Variants in TRPC5 observed in about 807,000 individuals in gnomAD.
TRPC5 encodes short transient receptor potential channel 5.
TRPC5 carries 9 observed loss-of-function variants against 56.5 expected under a neutral mutation model. The ratio of observed to expected loss-of-function variants is 0.16; its 90% CI spans 0.10 to 0.28. The LOEUF (loss-of-function observed/expected upper bound fraction) is 0.28. TRPC5 is among the 10% of genes least tolerant of loss of function. TRPC5 has a pLI of 1.00. For synonymous variants in TRPC5, 282 were observed against 278.5 expected, an observed-to-expected ratio of 1.01 and a Z score of -0.13; for missense variants, 469 against 748.9, an observed-to-expected ratio of 0.63 and a Z score of 4.36.
intron 7 of TRPC5, among the ~76,000 whole-genome samples, chrX:111,801,484 G>C (rs906091254): frequency 8.9e-6 from 1 of 111,733 alleles, no homozygotes; most frequent in Non-Finnish European, 1.9e-5. Flanking sequence ...TCCCAAAGTG[G>C]CTATACAGTT....
intron 1 of TRPC5, among the ~76,000 whole-genome samples, chrX:112,018,195 G>A (rs1422800780): frequency 8.9e-6 from 1 of 112,399 alleles, no homozygotes; most frequent in African/African-American, 3.2e-5. Flanking sequence ...GCACTAGACT[G>A]TCAGCTCCAT....
chrX:111,895,055 G>A (rs1428572661), intron 3 of TRPC5, among the ~76,000 whole-genome samples: 1 of 111,943 alleles, frequency 8.9e-6, no homozygotes, highest in African/African-American at 3.2e-5. Context: ...ATACTTAGGA[G>A]TAGCATTCCA....
intron 1 of TRPC5, among the ~76,000 whole-genome samples, chrX:112,009,248 G>T (rs1467610239): frequency 9.0e-6 from 1 of 111,337 alleles, no homozygotes; most frequent in African/African-American, 3.3e-5. Context: ...GAGATTGCGG[G>T]GGCCAAACCG....
chrX:111,785,250 T>G (rs1945952389), intron 7 of TRPC5, among the ~76,000 whole-genome samples: 1 of 111,903 alleles, frequency 8.9e-6, no homozygotes, highest in African/African-American at 3.3e-5. Flanking sequence ...CAGCCTCCAC[T>G]GGGGACACGC....
chrX:112,015,999 CAA>C (rs1286303370), intron 1 of TRPC5, among the ~76,000 whole-genome samples: 4 of 111,544 alleles, frequency 3.6e-5, no homozygotes, highest in Non-Finnish European at 7.5e-5. Flanking sequence ...TCACAGGCAG[CAA>C]GAAATCAGAA....
chrX:111,918,509 C>CT lies in TRPC5; in HGVS notation c.379-5698dup, dbSNP rs748783378. Among the ~76,000 whole-genome samples the CT allele has an allele frequency of 4.6e-4, 49 of 106,359 alleles. 1 individual carries two copies. Among genetic ancestry groups the CT allele is most frequent in the African/African-American group, 1.1e-3 (32 of 29,318 alleles). 92.4% of individuals were successfully genotyped at this position (106,359 alleles called of 115,157 possible). A position where few individuals can be genotyped will look rare whatever the true frequency, so the allele number is the denominator to read the frequency against. ...GGCAGTGATGCACAGAAGAATGTGG[C>CT]TTTTTTTTTTCTCTCTAGCAGCTTT... On this transcript the variant is annotated intron_variant, in intron 2 of 10. Transcript: ENST00000262839.
chrX:111,988,662 G>GT (rs1256771036), intron 1 of TRPC5, among the ~76,000 whole-genome samples: 1 of 110,958 alleles, frequency 9.0e-6, no homozygotes, highest in Non-Finnish European at 1.9e-5. Flanking sequence ...CCTGAATGTA[G>GT]TAAGTATTCA....
intron 2 of TRPC5, among the ~76,000 whole-genome samples, chrX:111,929,354 C>T (rs767302663): frequency 3.8e-4 from 43 of 112,363 alleles, no homozygotes; most frequent in Admixed American, 1.4e-3. Context: ...TCTTTCATAC[C>T]GTGCCAAGGT....
At chrX:111,846,238 T>C (rs1244057470) in intron 6 of TRPC5, among the ~76,000 whole-genome samples, 5 of 111,577 alleles carry the variant, frequency 4.5e-5, no homozygotes, top group African/African-American at 1.6e-4. Flanking sequence ...CTTGGGGTCA[T>C]TGCTATGAAT....
chrX:111,897,253 G>A (rs1925110994), intron 3 of TRPC5, among the ~76,000 whole-genome samples: 1 of 111,330 alleles, frequency 9.0e-6, no homozygotes, highest in South Asian at 3.8e-4. Context: ...TAAGAAAAGT[G>A]GGTTTTACAG....
chrX:111,944,304 G>GTGTGAGAA (rs1556592186), intron 2 of TRPC5, among the ~76,000 whole-genome samples: 96 of 70,253 alleles, frequency 1.4e-3, no homozygotes, highest in African/African-American at 6.1e-3. Flanking sequence ...GTGTGTGTGT[G>GTGTGAGAA]AGAGAGAGAG....
intron 1 of TRPC5, among the ~76,000 whole-genome samples, chrX:112,065,877 GA>G (rs371399139): frequency 0.073 from 7,171 of 97,738 alleles, 542 homozygotes; most frequent in African/African-American, 0.22. Flanking sequence ...TTTCCAAAAA[GA>G]AAAAAAAAAA....
At chrX:111,874,430 T>C (rs911228997) in intron 3 of TRPC5, among the ~76,000 whole-genome samples, 2 of 112,092 alleles carry the variant, frequency 1.8e-5, no homozygotes, top group Non-Finnish European at 3.8e-5. Context: ...ATCAAGACCG[T>C]AGGGGCCCTG....
chrX:112,055,623 T>C (rs1429213759), intron 1 of TRPC5, among the ~76,000 whole-genome samples: 1 of 109,517 alleles, frequency 9.1e-6, no homozygotes, highest in African/African-American at 3.3e-5. Context: ...TTATATATTA[T>C]TTTTAAATAT....
intron 1 of TRPC5, among the ~76,000 whole-genome samples, chrX:112,041,138 A>G (rs1032775317): frequency 4.5e-5 from 5 of 111,932 alleles, no homozygotes; most frequent in African/African-American, 9.7e-5. Context: ...TGGAATCCAG[A>G]AAAAGTCCCC....
chrX:111,771,232 A>G lies in TRPC5; in HGVS notation c.*5081T>C, dbSNP rs1945841703. Among the ~76,000 whole-genome samples, 1 of 112,119 alleles carries G rather than the reference A, an allele frequency of 8.9e-6. No homozygotes were observed. Among genetic ancestry groups the G allele is most frequent in the African/African-American group, 3.2e-5 (1 of 30,880 alleles). On this transcript the variant is annotated 3_prime_UTR_variant, in exon 11 of 11. Transcript: ENST00000262839. ...GAAATTGTTTGTCATTTATTTGTGTAGTAACAGGAAGCCTCTAGAGCTTTC... is the reference window on the plus strand; with the variant it reads ...GAAATTGTTTGTCATTTATTTGTGTGGTAACAGGAAGCCTCTAGAGCTTTC...
rs770102435 is a variant in TRPC5 at position 111,909,049 on chromosome X, C to T, written c.900+3242G>A. Among the ~76,000 whole-genome samples, 23 of 108,915 alleles carry T rather than the reference C, an allele frequency of 2.1e-4. 1 individual carries two copies. The East Asian group carries it at 6.0e-3, about 28-fold the overall frequency. 94.6% of individuals were successfully genotyped at this position (108,915 alleles called of 115,157 possible). On this transcript the variant is annotated intron_variant, in intron 3 of 10. Transcript: ENST00000262839. Reference sequence around the variant, plus strand: ...CTGTAATCCCAGCACTTTGAGGGGCCCAGGTAGGCAGATCACTTGAGGTCA... The same window carrying T: ...CTGTAATCCCAGCACTTTGAGGGGCTCAGGTAGGCAGATCACTTGAGGTCA...
chrX:111,950,190 T>C (rs1003234611), intron 2 of TRPC5, among the ~76,000 whole-genome samples: 1 of 110,320 alleles, frequency 9.1e-6, no homozygotes, highest in Admixed American at 9.7e-5. Flanking sequence ...CCAGGCGTGG[T>C]GGCAGGCACC....
At chrX:111,861,080 A>C (rs1389255673) in intron 3 of TRPC5, among the ~76,000 whole-genome samples, 1 of 112,326 alleles carries the variant, frequency 8.9e-6, no homozygotes, top group Non-Finnish European at 1.9e-5. Context: ...TTACATGAAA[A>C]TTGTGTTTAA....
Sources: allele counts gnomAD v4.1 joint callset (sites outside exome capture counted in the v4.1 genomes callset), GRCh38; gene constraint gnomAD v4.1.1; transcripts MANE v1.5; gene names NCBI Gene and HGNC (gene_info 2026-07-23, HGNC 2026-07-21).